The following MAP3K2 variants were observed in gnomAD, a reference collection of about 807,000 sequenced individuals.
MAP3K2 encodes MAP/ERK kinase kinase 2.
In MAP3K2, 24 loss-of-function variants were observed where a neutral mutation model predicts 80.3. The ratio of observed to expected loss-of-function variants is 0.30; its 90% confidence interval spans 0.22 to 0.42. MAP3K2 has a LOEUF of 0.42. Ranked by LOEUF, MAP3K2 falls within the 10% of genes least tolerant of loss-of-function variation. The pLI is 1.00. For missense variants in MAP3K2, 608 were observed against 750.1 expected, an observed-to-expected ratio of 0.81 and a Z score of 2.21; for synonymous variants, 244 against 253.7, an observed-to-expected ratio of 0.96 and a Z score of 0.36.
At chr2:127,381,502 T>A (rs181167524) in intron 1 of MAP3K2, among the ~76,000 whole-genome samples, 71 of 152,356 alleles carry the variant, frequency 4.7e-4, no homozygotes, top group African/African-American at 1.6e-3. Flanking sequence ...GCTGGATATT[T>A]TTTAATTCCT....
chr2:127,368,375 C>A (rs1687008371), intron 1 of MAP3K2, among the ~76,000 whole-genome samples: 1 of 151,922 alleles, frequency 6.6e-6, no homozygotes, highest in African/African-American at 2.4e-5. Flanking sequence ...GTAATCCCAG[C>A]ACTTTGGGAG....
intron 1 of MAP3K2, among the ~76,000 whole-genome samples, chr2:127,377,489 G>A (rs755451937): frequency 4.0e-5 from 6 of 151,702 alleles, no homozygotes; most frequent in Admixed American, 6.6e-5. Context: ...AGTCATTATA[G>A]AGAATGATGA....
Position 127,306,282 on chromosome 2 carries a change from C to T in MAP3K2, c.*1297G>A, listed in dbSNP as rs1685696510. ...GGTTTCTCAGCCTCAGCACTTCTGACATTTTGGGAGGGGTAATTCTTTGAG... is the reference window on the plus strand; with the variant it reads ...GGTTTCTCAGCCTCAGCACTTCTGATATTTTGGGAGGGGTAATTCTTTGAG... On this transcript the variant is annotated 3_prime_UTR_variant, in exon 17 of 17. Coordinates refer to ENST00000682094, the MANE Select transcript of MAP3K2 (RefSeq NM_001371910.2). This position sits in a 1 kb window ranked among gnomAD's most constrained non-coding sequence, Gnocchi z 4.7. 1 of 152,140 alleles carries T rather than the reference C, an allele frequency of 6.6e-6. No individual in the cohort carries two copies. Among genetic ancestry groups the T allele is most frequent in the Admixed American group, 6.6e-5 (1 of 15,260 alleles). The allele number at this position is 152,140 out of a possible 1,614,324, so 9.4% of individuals were successfully genotyped here.
chr2:127,326,305 AT>A (rs1173720741), intron 8 of MAP3K2, among the ~76,000 whole-genome samples: 34 of 68,674 alleles, frequency 5.0e-4, no homozygotes, highest in Non-Finnish European at 7.6e-4. Flanking sequence ...TTTTAATACT[AT>A]AAAATTGAAG....
At chr2:127,348,544 T>C (rs557895010) in intron 1 of MAP3K2, among the ~76,000 whole-genome samples, 9 of 152,158 alleles carry the variant, frequency 5.9e-5, no homozygotes, top group Non-Finnish European at 1.0e-4. Context: ...ATAGCAAATC[T>C]ACAGAGACTG....
intron 1 of MAP3K2, chr2:127,378,280 A>G (rs1687183113): frequency 3.6e-6 from 1 of 277,032 alleles, no homozygotes; most frequent in South Asian, 1.4e-4. Context: ...CTTTGTTTAA[A>G]TATCTGTATA....
At position 127,304,708 on chromosome 2, in the gene MAP3K2, G is replaced by A. The variant is rs891946623; in HGVS notation, c.*2871C>T. The A allele has an allele frequency of 3.3e-5, 5 of 152,484 alleles. No homozygotes were observed. The highest frequency in any genetic ancestry group is 7.2e-5 in the African/African-American group (3 of 41,436). The allele number at this position is 152,484 out of a possible 1,614,324, so 9.4% of individuals were successfully genotyped here. ...TTATTAGAAAGAAGAAAAAAACGGA[G>A]TGTTATATTTAACTTCCCCTGATAA... On this transcript the variant is annotated 3_prime_UTR_variant, in exon 17 of 17. Coordinates refer to ENST00000682094, the MANE Select transcript of MAP3K2 (RefSeq NM_001371910.2).
rs1220064794 is a variant in MAP3K2 at position 127,387,778 on chromosome 2, GC to G, written c.-393del. The G allele has an allele frequency of 5.1e-6, 5 of 985,118 alleles. No individual in the cohort carries two copies. Among genetic ancestry groups the G allele is most frequent in the Non-Finnish European group, 6.0e-6 (5 of 829,832 alleles). The allele number at this position is 985,118 out of a possible 1,614,324, so 61.0% of individuals were successfully genotyped here. A position where few individuals can be genotyped will look rare whatever the true frequency, so the allele number is the denominator to read the frequency against. On this transcript the variant is annotated 5_prime_UTR_variant, in exon 1 of 17. Transcript: ENST00000682094. ...TGGGCAGGAAAGGAGGAAGCCGCGG[GC>G]CCGCGTCGCTAGAGACCGGAGAAGA...
At chr2:127,386,791 A>AC (rs978675566) in intron 1 of MAP3K2, among the ~76,000 whole-genome samples, 62 of 152,318 alleles carry the variant, frequency 4.1e-4, no homozygotes, top group African/African-American at 1.5e-3. Flanking sequence ...CTGCCCAGTT[A>AC]GTCTCATTTT....
chr2:127,345,512 C>G (rs1439771887), intron 1 of MAP3K2, among the ~76,000 whole-genome samples: 3 of 152,208 alleles, frequency 2.0e-5, no homozygotes. Flanking sequence ...TTGTACAACA[C>G]TATAAACTAC....
At chr2:127,349,467 A>G (rs1050867324) in intron 1 of MAP3K2, among the ~76,000 whole-genome samples, 1 of 152,118 alleles carries the variant, frequency 6.6e-6, no homozygotes, top group Non-Finnish European at 1.5e-5. Context: ...GTCTCGAGAA[A>G]GTGCTCCCTT....
At chr2:127,334,235 T>C (rs764045855) in intron 5 of MAP3K2, among the ~76,000 whole-genome samples, 10 of 152,120 alleles carry the variant, frequency 6.6e-5, no homozygotes, top group Non-Finnish European at 1.3e-4. Context: ...ATAGGTATAA[T>C]ATGGACAAAT....
Position 127,321,132 on chromosome 2 carries a change from CT to C in MAP3K2, c.1045+913del, listed in dbSNP as rs1329853163. Among the ~76,000 whole-genome samples the C allele has an allele frequency of 6.6e-6, 1 of 152,070 alleles. No individual in the cohort carries two copies. The highest frequency in any genetic ancestry group is 1.5e-5 in the Non-Finnish European group (1 of 67,996). On this transcript the variant is annotated intron_variant, in intron 12 of 16. Coordinates refer to ENST00000682094, the MANE Select transcript of MAP3K2 (RefSeq NM_001371910.2). The surrounding 1 kb of genome is among the most constrained non-coding windows in gnomAD (Gnocchi z 4.4). ...GTTTCAAAAATGAAGGAGAAATAGA[CT>C]TTTTTCAAACAAACAAAAGCAGAAT... is the stretch of plus-strand genomic sequence containing the variant.
rs759018436 is a variant in MAP3K2, at chr2:127,323,957, T to C, written c.783A>G (p.Gly261=). The C allele has an allele frequency of 2.6e-6, 4 of 1,567,414 alleles. No homozygotes were observed. In the East Asian group the frequency reaches 6.8e-5, roughly 26 times the overall value. Residue 261 remains glycine, a synonymous_variant, in exon 11 of 17, where the codon GGA becomes GGG. Transcript: ENST00000682094. ...CATGATACCTTCTTGGATATGTTCC[T>C]CCTTTTCCAAATTTCTCAAAGATAG... is the stretch of plus-strand genomic sequence containing the variant. The part of the protein sequence containing the change: ...DNPIFEKFGK[G]GTYPRRYHVS...
intron 1 of MAP3K2, among the ~76,000 whole-genome samples, chr2:127,366,475 G>A (rs924980015): frequency 5.3e-5 from 8 of 151,546 alleles, no homozygotes; most frequent in Non-Finnish European, 1.2e-4. Flanking sequence ...GATTGAGAAA[G>A]GAAGAACAAG....
Position 127,306,523 on chromosome 2 carries a change from G to C in MAP3K2, c.*1056C>G, listed in dbSNP as rs1441043605. ...AGTATTCTGTGATCCTAAGAACAAG[G>C]GTTTCATCTCCTGACATAACACATA... On this transcript the variant is annotated 3_prime_UTR_variant, in exon 17 of 17. Transcript: ENST00000682094. The surrounding 1 kb of genome is among the most constrained non-coding windows in gnomAD (Gnocchi z 4.7). 6.6e-6 allele frequency: 1 copy of C among 151,996 alleles called. No homozygotes were observed. The highest frequency in any genetic ancestry group is 2.4e-5 in the African/African-American group (1 of 41,378). The allele number at this position is 151,996 out of a possible 1,614,324, so 9.4% of individuals were successfully genotyped here. A position where few individuals can be genotyped will look rare whatever the true frequency, so the allele number is the denominator to read the frequency against.
At chr2:127,352,240 T>G (rs962812104) in intron 1 of MAP3K2, among the ~76,000 whole-genome samples, 1 of 151,920 alleles carries the variant, frequency 6.6e-6, no homozygotes, top group Non-Finnish European at 1.5e-5. Flanking sequence ...CACTGCTACT[T>G]CCGCCAAGAC....
Position 127,343,214 on chromosome 2 carries a change from C to A in MAP3K2, c.-65-20G>T. 8.6e-6 allele frequency: 8 copies of A among 935,032 alleles called. No individual in the cohort carries two copies. The highest frequency in any genetic ancestry group is 5.4e-5 in the South Asian group (3 of 55,264). The allele number at this position is 935,032 out of a possible 1,614,324, so 57.9% of individuals were successfully genotyped here. On this transcript the variant is annotated intron_variant, in intron 1 of 16. Transcript: ENST00000682094. ...TATGGCCTGAGAAGATAAAACAGAT[C>A]AGCATATTAATAAAAAGAAACAGAA... is the stretch of plus-strand genomic sequence containing the variant.
intron 9 of MAP3K2, among the ~76,000 whole-genome samples, chr2:127,324,717 G>T (rs540597763): frequency 1.3e-5 from 2 of 152,278 alleles, no homozygotes; most frequent in African/African-American, 4.8e-5. Context: ...GACACAGACA[G>T]AAATTTCATA....
Sources: gnomAD v4.1 joint callset for allele counts (sites outside exome capture counted in the v4.1 genomes callset) on GRCh38, gnomAD v4.1.1 for gene constraint, Gnocchi (gnomAD v3.1) non-coding constraint, MANE v1.5 for transcripts, NCBI Gene and HGNC (gene_info 2026-07-23, HGNC 2026-07-21) for gene names.